The following NLGN4Y variants were observed in gnomAD, a reference collection of about 807,000 sequenced individuals.
The protein encoded by NLGN4Y is neuroligin-4, Y-linked.
In NLGN4Y, 4 loss-of-function variants were observed where a neutral mutation model predicts 8.4. That is an observed-to-expected ratio of 0.48 (90% CI 0.23 to 1.09). NLGN4Y has a LOEUF of 1.09. Among genes scored for constraint, NLGN4Y ranks in the 50% least tolerant of loss-of-function variants. NLGN4Y has a pLI of 0.19. For synonymous variants in NLGN4Y, 35 were observed against 75.6 expected, an observed-to-expected ratio of 0.46 and a Z score of 2.78; for missense variants, 90 against 192.3, an observed-to-expected ratio of 0.47 and a Z score of 3.15.
At chrY:14,740,273 G>A in intron 4 of NLGN4Y, among the ~76,000 whole-genome samples, 4 of 33,061 alleles carry the variant, frequency 1.2e-4, no homozygotes, top group African/African-American at 3.5e-4. Flanking sequence ...AACCAAGACC[G>A]CTTCATTCAT....
intron 1 of NLGN4Y, among the ~76,000 whole-genome samples, chrY:14,617,790 C>G: frequency 3.1e-5 from 1 of 32,313 alleles, no homozygotes; most frequent in African/African-American, 1.2e-4. Flanking sequence ...TTCAGAGTTG[C>G]CCTGCCAGTG....
rs754728086 is a variant in NLGN4Y at position 14,844,675 on chromosome Y, A to G, written c.*3413A>G. 1.2e-4 allele frequency: 4 copies of G among 33,954 alleles called. No individual in the cohort carries two copies. The highest frequency in any genetic ancestry group is 1.1e-3 in the Admixed American group (4 of 3,741). 8.5% of individuals were successfully genotyped at this position (33,954 alleles called of 400,897 possible). On this transcript the variant is annotated 3_prime_UTR_variant, in exon 7 of 7. Coordinates refer to ENST00000684976, the MANE Select transcript of NLGN4Y (RefSeq NM_001365588.1). ...TAAGTAGCAAGTAAAGAAATATAGC[A>G]AGGACCCAGACTCTTTGGAATATGT...
chrY:14,580,146 C>G, intron 1 of NLGN4Y, among the ~76,000 whole-genome samples: 1 of 21,613 alleles, frequency 4.6e-5, no homozygotes, highest in Non-Finnish European at 1.0e-4. Context: ...AAGCAGAGAT[C>G]GCGCCACTGC....
chrY:14,751,683 G>A (rs2081041905), intron 4 of NLGN4Y: 2 of 25,772 alleles, frequency 7.8e-5, no homozygotes, highest in Admixed American at 7.3e-4. Context: ...TTTTTGAGAT[G>A]GAGTGTTGCT....
chrY:14,821,725 A>C (rs1002005833), intron 4 of NLGN4Y, among the ~76,000 whole-genome samples: 2 of 34,090 alleles, frequency 5.9e-5, no homozygotes, highest in Admixed American at 5.4e-4. Flanking sequence ...CAGGATGTCC[A>C]CCTAGGTTCA....
chrY:14,541,696 A>G, intron 1 of NLGN4Y, among the ~76,000 whole-genome samples: 1 of 33,571 alleles, frequency 3.0e-5, no homozygotes, highest in African/African-American at 1.2e-4. Flanking sequence ...TTTCATATCT[A>G]GCCAAACTAA....
intron 2 of NLGN4Y, among the ~76,000 whole-genome samples, chrY:14,645,829 GTGA>G (rs2150517756): frequency 3.0e-5 from 1 of 33,487 alleles, no homozygotes; most frequent in Non-Finnish European, 7.4e-5. Flanking sequence ...GATGAGGATG[GTGA>G]TGAGGAGGAT....
chrY:14,622,225 T>G lies in NLGN4Y; in HGVS notation c.106T>G (p.Phe36Val), dbSNP rs1385997222. ...GTGGATAACTGCTCTTGCCATCAAGTTCACCCTCATTGACAGCCAAGCACA... is the reference window on the plus strand; with the variant it reads ...GTGGATAACTGCTCTTGCCATCAAGGTCACCCTCATTGACAGCCAAGCACA... ...LLWITALAIK[F>V]TLIDSQAQYP... The change falls in exon 2 of 7, where the codon TTC (phenylalanine) becomes GTC (valine). Residue 36 changes from phenylalanine to valine, a missense_variant. By Grantham distance (50) the Phe-to-Val change is conservative (BLOSUM62 -1). Coordinates refer to ENST00000684976, the MANE Select transcript of NLGN4Y (RefSeq NM_001365588.1). 2.5e-6 allele frequency: 1 copy of G among 398,581 alleles called. No individual in the cohort carries two copies. The highest frequency in any genetic ancestry group is 7.4e-5 in the Admixed American group (1 of 13,521).
At chrY:14,570,058 G>A (rs2150479717) in intron 1 of NLGN4Y, among the ~76,000 whole-genome samples, 2 of 34,017 alleles carry the variant, frequency 5.9e-5, no homozygotes, top group Non-Finnish European at 1.5e-4. Context: ...CTGATCTAAA[G>A]CTAATGGGCT....
At chrY:14,669,280 C>T in intron 2 of NLGN4Y, among the ~76,000 whole-genome samples, 3 of 33,160 alleles carry the variant, frequency 9.0e-5, no homozygotes, top group African/African-American at 3.5e-4. Context: ...TCAAATTTTA[C>T]GTGGATTCTA....
intron 2 of NLGN4Y, 126 bp downstream of exon 2, chrY:14,622,717 T>C: frequency 1.1e-5 from 2 of 176,527 alleles, no homozygotes; most frequent in East Asian, 2.2e-4. Context: ...TTTAATTTAT[T>C]TTTCATATTC....
chrY:14,643,493 G>T (rs955569219), intron 2 of NLGN4Y, among the ~76,000 whole-genome samples: 1 of 33,392 alleles, frequency 3.0e-5, no homozygotes. Flanking sequence ...GACAGGAACA[G>T]ATGAGGATAT....
At chrY:14,788,336 T>C in intron 4 of NLGN4Y, among the ~76,000 whole-genome samples, 1 of 33,352 alleles carries the variant, frequency 3.0e-5, no homozygotes. Flanking sequence ...GGCAGCAGGG[T>C]AGTGTTTCTT....
chrY:14,566,232 G>A, intron 1 of NLGN4Y, among the ~76,000 whole-genome samples: 3 of 33,141 alleles, frequency 9.1e-5, no homozygotes, highest in Admixed American at 8.3e-4. Context: ...CTGGCAAATT[G>A]GATAAAGAGT....
chrY:14,811,672 G>T (rs2043080943), intron 4 of NLGN4Y, among the ~76,000 whole-genome samples: 4 of 33,137 alleles, frequency 1.2e-4, no homozygotes, highest in African/African-American at 4.7e-4. Flanking sequence ...GACCCCATTT[G>T]GTTCCTTACC....
chrY:14,564,025 A>T, intron 1 of NLGN4Y, among the ~76,000 whole-genome samples: 1 of 32,964 alleles, frequency 3.0e-5, no homozygotes, highest in Non-Finnish European at 7.4e-5. Context: ...AGGATTTTTC[A>T]TGTCTCGATC....
At chrY:14,553,268 A>AATTT (rs2080200689) in intron 1 of NLGN4Y, among the ~76,000 whole-genome samples, 1 of 33,280 alleles carries the variant, frequency 3.0e-5, no homozygotes, top group Non-Finnish European at 7.4e-5. Context: ...CAAGGAAATA[A>AATTT]GAGAGGACAC....
At chrY:14,807,925 G>A in intron 4 of NLGN4Y, among the ~76,000 whole-genome samples, 1 of 33,828 alleles carries the variant, frequency 3.0e-5, no homozygotes, top group Non-Finnish European at 7.3e-5. Context: ...CTTTGGACTC[G>A]TTTAATTTAT....
chrY:14,550,059 G>A (rs1408880621), intron 1 of NLGN4Y, among the ~76,000 whole-genome samples: 1 of 33,462 alleles, frequency 3.0e-5, no homozygotes, highest in Non-Finnish European at 7.4e-5. Flanking sequence ...GCTTCCTGGC[G>A]TGTGCGTGCT....
Sources: allele counts gnomAD v4.1 joint callset (sites outside exome capture counted in the v4.1 genomes callset), GRCh38; gene constraint gnomAD v4.1.1; transcripts MANE v1.5; gene names NCBI Gene and HGNC (gene_info 2026-07-23, HGNC 2026-07-21).